ZNF254: variants seen among roughly 807,000 people sequenced by gnomAD.
ZNF254 encodes zinc finger protein 254.
A neutral mutation model predicts 12.4 loss-of-function variants in ZNF254; 10 were observed. The observed-to-expected ratio is 0.80, with a 90% CI of 0.50 to 1.36. ZNF254 has a LOEUF of 1.36. ZNF254 is among the 40% of genes most tolerant of loss of function. The pLI is 0.00. For synonymous variants in ZNF254, 305 were observed against 253.4 expected, an observed-to-expected ratio of 1.20 and a Z score of -1.93; for missense variants, 996 against 763.9, an observed-to-expected ratio of 1.30 and a Z score of -3.58.
At chr19:24,117,544 G>A (rs990706966) in intron 3 of ZNF254, among the ~76,000 whole-genome samples, 7 of 152,112 alleles carry the variant, frequency 4.6e-5, no homozygotes, top group African/African-American at 1.7e-4. Context: ...TAAGCCCGTC[G>A]GAAAAGCGCA....
At chr19:24,079,167 G>A (rs1380080850) in intron 2 of ZNF254, 2 of 152,152 alleles carry the variant, frequency 1.3e-5, no homozygotes, top group African/African-American at 4.8e-5. Flanking sequence ...CAGCAGGCAT[G>A]TCCATGTTTC....
intron 3 of ZNF254, among the ~76,000 whole-genome samples, chr19:24,125,076 T>G (rs1296848040): frequency 6.6e-6 from 1 of 152,172 alleles, no homozygotes; most frequent in Non-Finnish European, 1.5e-5. Context: ...TGAGCCACTG[T>G]GCCTGACCTG....
At chr19:24,070,273 C>T (rs1447471634) in intron 2 of ZNF254, among the ~76,000 whole-genome samples, 1 of 152,238 alleles carries the variant, frequency 6.6e-6, no homozygotes, top group Non-Finnish European at 1.5e-5. Context: ...ATAAAGTCCT[C>T]AGGTAATGCA....
chr19:24,084,928 C>G (rs1282843823), upstream of ZNF254, among the ~76,000 whole-genome samples: 1 of 125,318 alleles, frequency 8.0e-6, no homozygotes, highest in African/African-American at 3.2e-5. Context: ...TGAGTGACCA[C>G]AATCTTTTTT....
At chr19:24,125,255 G>A (rs1480130316) in intron 3 of ZNF254, among the ~76,000 whole-genome samples, 10 of 137,068 alleles carry the variant, frequency 7.3e-5, no homozygotes, top group Non-Finnish European at 1.3e-4. Flanking sequence ...GGATCTGTCA[G>A]TTTTTTTGTG....
chr19:24,090,943 ATTTTTTTTTTT>A (rs869068959), intron 1 of ZNF254, among the ~76,000 whole-genome samples: 4 of 89,634 alleles, frequency 4.5e-5, no homozygotes, highest in African/African-American at 1.9e-4. Context: ...TGGAGGAGTG[ATTTTTTTTTTT>A]TTTTTTTTTT....
intron 3 of ZNF254, among the ~76,000 whole-genome samples, chr19:24,123,193 A>C (rs1974603419): frequency 6.6e-6 from 1 of 152,120 alleles, no homozygotes; most frequent in African/African-American, 2.4e-5. Context: ...TGTGTTGTTT[A>C]ATTTCTATGT....
At chr19:24,037,114 G>A (rs1412342105) in intron 1 of ZNF254, among the ~76,000 whole-genome samples, 1 of 152,188 alleles carries the variant, frequency 6.6e-6, no homozygotes, top group Non-Finnish European at 1.5e-5. Context: ...ACATAACCCT[G>A]CCTGAATCAG....
intron 2 of ZNF254, among the ~76,000 whole-genome samples, chr19:24,057,691 G>A (rs1440541830): frequency 6.6e-6 from 1 of 152,186 alleles, no homozygotes; most frequent in Non-Finnish European, 1.5e-5. Flanking sequence ...ACTCTTATAA[G>A]TGAATCCAGT....
intron 3 of ZNF254, among the ~76,000 whole-genome samples, chr19:24,120,944 A>T (rs1974437514): frequency 6.6e-6 from 1 of 151,972 alleles, no homozygotes; most frequent in Admixed American, 6.6e-5. Flanking sequence ...TCGCTGTATT[A>T]TTCAGGCTGA....
chr19:24,051,525 G>T (rs995784220), intron 2 of ZNF254, among the ~76,000 whole-genome samples: 5 of 152,094 alleles, frequency 3.3e-5, no homozygotes, highest in African/African-American at 1.2e-4. Context: ...CCCAGAATCC[G>T]GGTGATGTGA....
chr19:24,044,772 T>C (rs1970315492), intron 1 of ZNF254, among the ~76,000 whole-genome samples: 1 of 152,194 alleles, frequency 6.6e-6, no homozygotes, highest in Non-Finnish European at 1.5e-5. Flanking sequence ...TTATTTCATC[T>C]TGGGTCAAAT....
chr19:24,125,248 T>C (rs1974752415), intron 3 of ZNF254, among the ~76,000 whole-genome samples: 1 of 150,524 alleles, frequency 6.6e-6, no homozygotes, highest in Non-Finnish European at 1.5e-5. Context: ...ACTTTTAGGA[T>C]CTGTCAGTTT....
At chr19:24,101,282 G>A (rs183956568) in intron 1 of ZNF254, among the ~76,000 whole-genome samples, 4 of 152,324 alleles carry the variant, frequency 2.6e-5, no homozygotes, top group Admixed American at 2.6e-4. Context: ...TGCAAATAAG[G>A]TCTGGCCTCT....
chr19:24,123,589 G>GAC (rs537202177), intron 3 of ZNF254, among the ~76,000 whole-genome samples: 51 of 151,130 alleles, frequency 3.4e-4, no homozygotes, highest in East Asian at 1.9e-3. Flanking sequence ...CCTAATGTGA[G>GAC]ACACACACAC....
chr19:24,074,478 A>G (rs1478348512), intron 2 of ZNF254, among the ~76,000 whole-genome samples: 1 of 152,166 alleles, frequency 6.6e-6, no homozygotes, highest in Non-Finnish European at 1.5e-5. Context: ...AGAGATTGTG[A>G]CATATCTCTG....
rs529367497 is a variant in ZNF254, at chr19:24,089,271, C to T, written c.30+1934C>T. Reference sequence around the variant, plus strand: ...GATTACAGGCGTGAGCCACTGCACCCGGCCAATTAATCATTTTTTGACAAA... The same window carrying T: ...GATTACAGGCGTGAGCCACTGCACCTGGCCAATTAATCATTTTTTGACAAA... On this transcript the variant is annotated intron_variant, in intron 1 of 3. Coordinates refer to ENST00000357002, the MANE Select transcript of ZNF254 (RefSeq NM_203282.4). 5.3e-5 allele frequency among the ~76,000 whole-genome samples: 8 copies of T among 152,172 alleles called. No individual in the cohort carries two copies. The East Asian group carries it at 5.8e-4, about 11-fold the overall frequency.
intron 3 of ZNF254, among the ~76,000 whole-genome samples, chr19:24,121,049 A>T (rs1322806865): frequency 1.3e-5 from 2 of 151,962 alleles, no homozygotes; most frequent in African/African-American, 4.8e-5. Context: ...ATCATGTAGC[A>T]TTTTTTTGTA....
chr19:24,126,716 A>G lies in ZNF254; in HGVS notation c.716A>G (p.Lys239Arg). ...ATTTATACTGAAGAGAAACCTTACA[A>G]ATGTGAAGAATATAACAAATCTCCT... is the stretch of plus-strand genomic sequence containing the variant. ...RKIYTEEKPY[K>R]CEEYNKSPKQ... is the part of the protein sequence containing the mutation. The change falls in exon 4 of 4, where the codon AAA (lysine) becomes AGA (arginine). Residue 239 changes from lysine (K) to arginine (R), a missense_variant. Lys to Arg is a conservative substitution (Grantham distance 26, BLOSUM62 2). Coordinates refer to ENST00000357002, the MANE Select transcript of ZNF254 (RefSeq NM_203282.4). 6.2e-7 allele frequency: 1 copy of G among 1,613,560 alleles called. No homozygotes were observed. Among genetic ancestry groups the G allele is most frequent in the Non-Finnish European group, 8.5e-7 (1 of 1,179,782 alleles).
Sources: allele counts gnomAD v4.1 joint callset (sites outside exome capture counted in the v4.1 genomes callset), GRCh38; gene constraint gnomAD v4.1.1; transcripts MANE v1.5; gene names NCBI Gene and HGNC (gene_info 2026-07-23, HGNC 2026-07-21).